Variants in PARD3B observed in about 807,000 individuals in gnomAD.
The protein encoded by PARD3B is partitioning defective 3 homolog B.
A neutral mutation model predicts 130.2 loss-of-function variants in PARD3B; 103 were observed. That is an observed-to-expected ratio of 0.79 (90% CI 0.67 to 0.93). The LOEUF (loss-of-function observed/expected upper bound fraction) is 0.93, where lower values mean the gene tolerates loss of function less well. Among genes scored for constraint, PARD3B ranks in the 40% least tolerant of loss-of-function variants. PARD3B has a pLI of 0.00. For synonymous variants in PARD3B, 583 were observed against 553.2 expected (o/e 1.05, Z -0.76); for missense variants, 1,609 against 1,499.2 (o/e 1.07, Z -1.21).
At chr2:204,839,233 A>G (rs1472409340) in intron 2 of PARD3B, among the ~76,000 whole-genome samples, 1 of 152,222 alleles carries the variant, frequency 6.6e-6, no homozygotes, top group Non-Finnish European at 1.5e-5. Flanking sequence ...CAGGAGGCAC[A>G]AAATCTGTGC....
chr2:204,738,798 AT>A (rs1170408600), intron 2 of PARD3B, among the ~76,000 whole-genome samples: 1 of 151,898 alleles, frequency 6.6e-6, no homozygotes, highest in Non-Finnish European at 1.5e-5. Flanking sequence ...GCAACATCTG[AT>A]TTTTTTTCTT....
At chr2:204,846,909 A>G (rs550015197) in intron 2 of PARD3B, among the ~76,000 whole-genome samples, 3 of 152,036 alleles carry the variant, frequency 2.0e-5, no homozygotes, top group Non-Finnish European at 4.4e-5. Context: ...CTCTGACTGT[A>G]GATGAAAGGA....
At chr2:205,521,047 A>G (rs1385315280) in intron 21 of PARD3B, among the ~76,000 whole-genome samples, 1 of 151,374 alleles carries the variant, frequency 6.6e-6, no homozygotes, top group East Asian at 1.9e-4. Flanking sequence ...AAAATTTGGC[A>G]CATATTACTC....
intron 21 of PARD3B, among the ~76,000 whole-genome samples, chr2:205,504,384 T>C (rs895652483): frequency 1.3e-5 from 2 of 152,120 alleles, no homozygotes; most frequent in South Asian, 2.1e-4. Flanking sequence ...AAAGCCAACA[T>C]TGACAAATGG....
chr2:204,806,934 A>C (rs1003293616), intron 2 of PARD3B, among the ~76,000 whole-genome samples: 4 of 152,170 alleles, frequency 2.6e-5, no homozygotes, highest in African/African-American at 9.7e-5. Context: ...GCTATGAAGA[A>C]ATACCCAAGA....
At chr2:205,526,060 G>A (rs1003475592) in intron 21 of PARD3B, among the ~76,000 whole-genome samples, 1 of 152,186 alleles carries the variant, frequency 6.6e-6, no homozygotes, top group Non-Finnish European at 1.5e-5. Context: ...TAGGATTATA[G>A]TTTCTACTGG....
chr2:204,996,410 G>A (rs1369016961), intron 3 of PARD3B, among the ~76,000 whole-genome samples: 1 of 152,172 alleles, frequency 6.6e-6, no homozygotes, highest in Non-Finnish European at 1.5e-5. Context: ...AGGGGTCAGG[G>A]ACCCACTTGA....
intron 2 of PARD3B, among the ~76,000 whole-genome samples, chr2:204,853,680 A>C (rs1477916349): frequency 6.6e-6 from 1 of 152,124 alleles, no homozygotes; most frequent in East Asian, 1.9e-4. Context: ...ATGTTCAATC[A>C]TTTTTTCCCC....
At chr2:204,930,516 C>T (rs1025638088) in intron 2 of PARD3B, among the ~76,000 whole-genome samples, 2 of 151,958 alleles carry the variant, frequency 1.3e-5, no homozygotes, top group African/African-American at 2.4e-5. Context: ...ATACGGAGGG[C>T]TGACTATATT....
chr2:205,219,023 T>A (rs2038096151), intron 15 of PARD3B, among the ~76,000 whole-genome samples: 1 of 150,972 alleles, frequency 6.6e-6, no homozygotes, highest in Non-Finnish European at 1.5e-5. Flanking sequence ...GAAGTTACGG[T>A]GAGCTGAGAT....
At chr2:204,734,005 A>G (rs898178209) in intron 2 of PARD3B, among the ~76,000 whole-genome samples, 2 of 152,194 alleles carry the variant, frequency 1.3e-5, no homozygotes, top group Non-Finnish European at 2.9e-5. Context: ...AGACTGGGAG[A>G]AAATATTTGC....
rs568060286 is a variant in PARD3B at position 205,280,113 on chromosome 2, T to C, written c.2186-20417T>C. On this transcript the variant is annotated intron_variant, in intron 16 of 22. Coordinates refer to ENST00000406610, the MANE Select transcript of PARD3B (RefSeq NM_001302769.2). The surrounding 1 kb of genome is among the most constrained non-coding windows in gnomAD (Gnocchi z 4.7). The stretch of plus-strand genomic sequence containing the variant: ...GATTTCTTCTGTCTAAAGGTAGGAA[T>C]AGCAGTTGCCATTCTCTGACATAAA... Among the ~76,000 whole-genome samples the C allele has an allele frequency of 2.0e-5, 3 of 152,308 alleles. No individual in the cohort carries two copies. In the East Asian group the frequency reaches 5.8e-4, roughly 29 times the overall value.
chr2:205,290,661 A>G lies in PARD3B; in HGVS notation c.2186-9869A>G, dbSNP rs150807614. On this transcript the variant is annotated intron_variant, in intron 16 of 22. Transcript: ENST00000406610. ...TAGCCATTTCATCAGTCAAACACCGATGAAATAGTTGGCTTGTGTTTGAAG... is the reference window on the plus strand; with the variant it reads ...TAGCCATTTCATCAGTCAAACACCGGTGAAATAGTTGGCTTGTGTTTGAAG... 1.3e-3 allele frequency among the ~76,000 whole-genome samples: 192 copies of G among 152,344 alleles called. 1 individual carries two copies. Among genetic ancestry groups the G allele is most frequent in the African/African-American group, 4.4e-3 (182 of 41,588 alleles).
rs1053355592 is a variant in PARD3B at position 205,122,866 on chromosome 2, A to G, written c.1165+917A>G. 2.0e-5 allele frequency among the ~76,000 whole-genome samples: 3 copies of G among 152,234 alleles called. No individual in the cohort carries two copies. The highest frequency in any genetic ancestry group is 2.9e-5 in the Non-Finnish European group (2 of 68,018). ...AAGAATTCTATTCTGGGAATAAAAT[A>G]CATTGACTAGTAGGTACAAAAATAC... On this transcript the variant is annotated intron_variant, in intron 8 of 22. Coordinates refer to ENST00000406610, the MANE Select transcript of PARD3B (RefSeq NM_001302769.2). This position sits in a 1 kb window ranked among gnomAD's most constrained non-coding sequence, Gnocchi z 4.3.
chr2:204,561,849 G>A (rs963346209), intron 1 of PARD3B, among the ~76,000 whole-genome samples: 4 of 151,866 alleles, frequency 2.6e-5, no homozygotes, highest in Non-Finnish European at 4.4e-5. Context: ...CACCAGCCTC[G>A]GGCTCCCAAA....
At chr2:205,605,683 G>A (rs1024418812) in intron 22 of PARD3B, among the ~76,000 whole-genome samples, 1 of 152,164 alleles carries the variant, frequency 6.6e-6, no homozygotes, top group African/African-American at 2.4e-5. Flanking sequence ...TCCTGTATAA[G>A]GTGTTTGGGA....
At chr2:204,909,687 C>G (rs1466762977) in intron 2 of PARD3B, among the ~76,000 whole-genome samples, 3 of 152,064 alleles carry the variant, frequency 2.0e-5, no homozygotes, top group African/African-American at 7.2e-5. Context: ...TACTGATTAA[C>G]AGGGTTGGCA....
intron 10 of PARD3B, among the ~76,000 whole-genome samples, chr2:205,150,960 A>T (rs966027334): frequency 6.6e-6 from 1 of 152,182 alleles, no homozygotes; most frequent in Non-Finnish European, 1.5e-5. Flanking sequence ...ATTGTAGTTT[A>T]TACTTGAAAA....
intron 20 of PARD3B, among the ~76,000 whole-genome samples, chr2:205,455,522 C>T (rs1332803408): frequency 6.6e-6 from 1 of 151,758 alleles, no homozygotes; most frequent in Non-Finnish European, 1.5e-5. Flanking sequence ...ACAAAATGTT[C>T]TTAATTCTCA....
Sources: allele counts gnomAD v4.1 joint callset (sites outside exome capture counted in the v4.1 genomes callset), GRCh38; gene constraint gnomAD v4.1.1; non-coding constraint Gnocchi (gnomAD v3.1); transcripts MANE v1.5; gene names NCBI Gene and HGNC (gene_info 2026-07-23, HGNC 2026-07-21).